The following VWC2 variants were observed in gnomAD, a reference collection of about 807,000 sequenced individuals.
The protein encoded by VWC2 is von Willebrand factor C domain containing 2.
A neutral mutation model predicts 29.8 loss-of-function variants in VWC2; 14 were observed. The ratio of observed to expected loss-of-function variants is 0.47; its 90% confidence interval spans 0.31 to 0.74. VWC2 has a LOEUF of 0.74. VWC2 is among the 30% of genes least tolerant of loss of function. The probability of loss-of-function intolerance (pLI) is 0.05; values close to 1 mark genes in which losing one functional copy is unlikely to be tolerated. For missense variants in VWC2, 457 were observed against 459.8 expected, an observed-to-expected ratio of 0.99 and a Z score of 0.05; for synonymous variants, 213 against 199.0, an observed-to-expected ratio of 1.07 and a Z score of -0.59.
At position 49,912,432 on chromosome 7, in the gene VWC2, C is replaced by G. The variant is rs1337356720; in HGVS notation, c.*247C>G. The G allele has an allele frequency of 7.6e-6, 3 of 394,204 alleles. No individual in the cohort carries two copies. Among genetic ancestry groups the G allele is most frequent in the Non-Finnish European group, 1.4e-5 (3 of 215,494 alleles). The allele number at this position is 394,204 out of a possible 1,614,324, so 24.4% of individuals were successfully genotyped here. On this transcript the variant is annotated 3_prime_UTR_variant, in exon 4 of 4. Transcript: ENST00000340652. ...AAATGTGCTATTTTCACAGTAAGTA[C>G]ACAAAAGTACACTATTATATATCAA... is the stretch of plus-strand genomic sequence containing the variant.
chr7:49,868,074 T>G (rs867524602), intron 3 of VWC2, among the ~76,000 whole-genome samples: 1 of 152,130 alleles, frequency 6.6e-6, no homozygotes, highest in Non-Finnish European at 1.5e-5. Flanking sequence ...CCTCAAATGA[T>G]CCACCCACCT....
Position 49,775,413 on chromosome 7 carries a change from C to CCCCCCCCCG in VWC2, c.-23_-22insCCCCCCCCG. On this transcript the variant is annotated 5_prime_UTR_variant, in exon 2 of 4. Transcript: ENST00000340652. Reference sequence around the variant, plus strand: ...CCCTCGGCCGCGCTCCCCGCCCGCCCGCCCGCCGGGACGTGGTAGGGGATG... The same window carrying CCCCCCCCCG: ...CCCTCGGCCGCGCTCCCCGCCCGCCCCCCCCCCCGGCCCGCCGGGACGTGGTAGGGGATG... The CCCCCCCCCG allele has an allele frequency of 3.9e-6, 5 of 1,297,556 alleles. No homozygotes were observed. The highest frequency in any genetic ancestry group is 4.9e-6 in the Non-Finnish European group (5 of 1,010,922). 80.4% of individuals were successfully genotyped at this position (1,297,556 alleles called of 1,614,324 possible).
chr7:49,903,437 C>G (rs140262939), intron 3 of VWC2, among the ~76,000 whole-genome samples: 1 of 152,202 alleles, frequency 6.6e-6, no homozygotes, highest in East Asian at 1.9e-4. Context: ...CTCACCACAA[C>G]TTGGATAGAT....
At chr7:49,831,562 T>C (rs1010901517) in intron 3 of VWC2, among the ~76,000 whole-genome samples, 1 of 152,126 alleles carries the variant, frequency 6.6e-6, no homozygotes, top group Non-Finnish European at 1.5e-5. Flanking sequence ...TTTTGCTCAG[T>C]GTAAGGAGAC....
intron 3 of VWC2, among the ~76,000 whole-genome samples, chr7:49,877,035 C>A (rs1304015872): frequency 2.0e-5 from 3 of 152,124 alleles, no homozygotes; most frequent in Non-Finnish European, 4.4e-5. Context: ...ACTTGACCGT[C>A]AGTCTCCTCC....
intron 3 of VWC2, among the ~76,000 whole-genome samples, chr7:49,840,063 C>G (rs932008172): frequency 6.6e-6 from 1 of 152,216 alleles, no homozygotes; most frequent in Non-Finnish European, 1.5e-5. Context: ...CACGGGCTGA[C>G]CAGGCTTCCG....
At chr7:49,860,158 T>C (rs1389115824) in intron 3 of VWC2, among the ~76,000 whole-genome samples, 1 of 152,170 alleles carries the variant, frequency 6.6e-6, no homozygotes, top group African/African-American at 2.4e-5. Flanking sequence ...TCCAGTGGCA[T>C]TGTACATTCA....
intron 3 of VWC2, among the ~76,000 whole-genome samples, chr7:49,805,489 T>C (rs946113737): frequency 6.6e-6 from 1 of 152,226 alleles, no homozygotes; most frequent in Non-Finnish European, 1.5e-5. Context: ...ATTCACCAGA[T>C]AGAGCTTGGC....
intron 3 of VWC2, among the ~76,000 whole-genome samples, chr7:49,876,224 T>C (rs777520425): frequency 6.6e-6 from 1 of 152,204 alleles, no homozygotes; most frequent in Non-Finnish European, 1.5e-5. Flanking sequence ...GATAGTAAGA[T>C]ACCGAAATGT....
chr7:49,866,422 G>T (rs1045427333), intron 3 of VWC2, among the ~76,000 whole-genome samples: 3 of 152,196 alleles, frequency 2.0e-5, no homozygotes, highest in African/African-American at 7.2e-5. Flanking sequence ...CTCCTGTGGT[G>T]GTCTCAGGCT....
In VWC2 at chr7:49,831,893, C is replaced by A. The variant is rs117143457; in HGVS notation, c.826+29053C>A. 7.8e-4 allele frequency among the ~76,000 whole-genome samples: 119 copies of A among 152,278 alleles called. 2 individuals are homozygous for A. The East Asian group carries it at 0.021, about 27-fold the overall frequency. On this transcript the variant is annotated intron_variant, in intron 3 of 3. Transcript: ENST00000340652. ...AGGCAAAAAGAGTTTCTTTCTTTCA[C>A]AGACAGGAGTCAACAAGGCTAGAAA...
In VWC2 at chr7:49,912,041, C is replaced by T; in HGVS notation, c.834C>T (p.Asn278=). The change falls in exon 4 of 4, where the codon AAC becomes AAT. Residue 278 remains asparagine (N), a synonymous_variant. Coordinates refer to ENST00000340652, the MANE Select transcript of VWC2 (RefSeq NM_198570.5). ...CATTTTTCTGCATTTCAGGTCCAAA[C>T]TGCTTTGCAGAAACCGCGGTGATCC... ...QCCPICKNGP[N]CFAETAVIPA... is the part of the protein sequence containing the mutation. 6.8e-6 allele frequency: 11 copies of T among 1,613,228 alleles called. No homozygotes were observed. The highest frequency in any genetic ancestry group is 8.5e-6 in the Non-Finnish European group (10 of 1,179,638).
intron 2 of VWC2, among the ~76,000 whole-genome samples, chr7:49,782,043 T>C (rs956342153): frequency 1.3e-5 from 2 of 152,214 alleles, no homozygotes; most frequent in Admixed American, 6.5e-5. Flanking sequence ...GGTATTCTAT[T>C]TGGCTCATGG....
At chr7:49,886,883 C>A (rs761210852) in intron 3 of VWC2, among the ~76,000 whole-genome samples, 56 of 152,156 alleles carry the variant, frequency 3.7e-4, no homozygotes, top group Admixed American at 3.3e-4. Context: ...ATTGTTGGAC[C>A]TCGTAAGACT....
intron 3 of VWC2, among the ~76,000 whole-genome samples, chr7:49,903,381 T>C (rs1408738389): frequency 1.3e-5 from 2 of 152,184 alleles, no homozygotes; most frequent in African/African-American, 4.8e-5. Flanking sequence ...GGTACAGCCA[T>C]ACCATGGAAT....
At chr7:49,778,878 C>T (rs1418946643) in intron 2 of VWC2, among the ~76,000 whole-genome samples, 1 of 152,216 alleles carries the variant, frequency 6.6e-6, no homozygotes, top group East Asian at 1.9e-4. Flanking sequence ...TTGCACTTCT[C>T]TGAAGAAAAT....
At chr7:49,777,288 T>C (rs1788073826) in intron 2 of VWC2, among the ~76,000 whole-genome samples, 1 of 152,234 alleles carries the variant, frequency 6.6e-6, no homozygotes, top group South Asian at 2.1e-4. Flanking sequence ...GGAATTAGCC[T>C]GTGAGATCTG....
At chr7:49,812,058 AG>A (rs1321298937) in intron 3 of VWC2, among the ~76,000 whole-genome samples, 3 of 152,258 alleles carry the variant, frequency 2.0e-5, no homozygotes, top group Non-Finnish European at 4.4e-5. Flanking sequence ...CTGTTGCAAA[AG>A]ATTACATATT....
At chr7:49,909,355 G>A (rs1008633544) in intron 3 of VWC2, among the ~76,000 whole-genome samples, 18 of 61,598 alleles carry the variant, frequency 2.9e-4, no homozygotes, top group African/African-American at 1.2e-3. Context: ...AAGACAGCTC[G>A]AGCCAAAATA....
Sources: allele counts gnomAD v4.1 joint callset (sites outside exome capture counted in the v4.1 genomes callset), GRCh38; gene constraint gnomAD v4.1.1; transcripts MANE v1.5; gene names NCBI Gene and HGNC (gene_info 2026-07-23, HGNC 2026-07-21).